MEF2B: variants seen among roughly 807,000 people sequenced by gnomAD.
MEF2B encodes myocyte-specific enhancer factor 2B.
Under a neutral mutation model 32.2 loss-of-function variants are expected in MEF2B, and 15 were observed. The observed-to-expected ratio is 0.47, with a 90% CI of 0.31 to 0.72. The LOEUF (loss-of-function observed/expected upper bound fraction) is 0.72, where lower values mean the gene tolerates loss of function less well. Ranked by LOEUF, MEF2B falls within the 30% of genes least tolerant of loss-of-function variation. The pLI, the probability that MEF2B is intolerant of heterozygous loss-of-function variation, is 0.05. For missense variants in MEF2B, 441 were observed against 511.5 expected, an observed-to-expected ratio of 0.86 and a Z score of 1.33; for synonymous variants, 205 against 225.6, an observed-to-expected ratio of 0.91 and a Z score of 0.82.
intron 2 of MEF2B, among the ~76,000 whole-genome samples, chr19:19,150,170 AGGAGGGAGGGAG>A (rs564219379): frequency 0.086 from 8,489 of 99,064 alleles, 300 homozygotes; most frequent in African/African-American, 0.12. Flanking sequence ...GAGGGAGGGA[AGGAGGGAGGGAG>A]GGAAGGAAGG....
At chr19:19,156,998 A>G in intron 1 of MEF2B, 1 of 161,912 alleles carries the variant, frequency 6.2e-6, no homozygotes, top group South Asian at 1.3e-4. Context: ...AAAAAAGTAA[A>G]AATTAGCTGC....
chr19:19,153,074 C>T (rs1307458167), intron 1 of MEF2B, among the ~76,000 whole-genome samples: 6 of 152,186 alleles, frequency 3.9e-5, no homozygotes, highest in African/African-American at 7.2e-5. Context: ...GGCCTTGGTC[C>T]GGAGGTCCCA....
At position 19,158,520 on chromosome 19, in the gene MEF2B, G is replaced by C. The variant is rs541466908; in HGVS notation, c.-29-7756C>G. Reference sequence around the variant, plus strand: ...CGCCTGTAATCCCAGTGCTTTGGGAGGCTGAGGTGGGAGGATCACTTGAGC... The same window carrying C: ...CGCCTGTAATCCCAGTGCTTTGGGACGCTGAGGTGGGAGGATCACTTGAGC... On this transcript the variant is annotated intron_variant, in intron 1 of 8. Coordinates refer to ENST00000424583, the MANE Select transcript of MEF2B (RefSeq NM_001145785.2). Among the ~76,000 whole-genome samples, 6 of 150,420 alleles carry C rather than the reference G, an allele frequency of 4.0e-5. No homozygotes were observed. In the East Asian group the frequency reaches 1.2e-3, roughly 30 times the overall value.
At chr19:19,147,569 A>G in intron 4 of MEF2B, 129 bp downstream of exon 4, 2 of 1,532,886 alleles carry the variant, frequency 1.3e-6, no homozygotes, top group Non-Finnish European at 1.8e-6. Flanking sequence ...TTCCTGACCA[A>G]CCAGGTAGAG....
Position 19,158,301 on chromosome 19 carries a change from T to A in MEF2B, c.-29-7537A>T, listed in dbSNP as rs973287845. ...TGGGTTTTCACCATGTTGGCCAGGC[T>A]GGTCTTAAACTCCTGGCCTCAGGTG... On this transcript the variant is annotated intron_variant, in intron 1 of 8. Transcript: ENST00000424583. 3.3e-5 allele frequency among the ~76,000 whole-genome samples: 5 copies of A among 150,450 alleles called. No individual in the cohort carries two copies. The East Asian group carries it at 1.0e-3, about 31-fold the overall frequency.
At chr19:19,166,061 C>G (rs954822569) in intron 1 of MEF2B, among the ~76,000 whole-genome samples, 1 of 152,104 alleles carries the variant, frequency 6.6e-6, no homozygotes, top group South Asian at 2.1e-4. Context: ...CCTGCCTGAC[C>G]CCCAGACACC....
At chr19:19,157,047 G>A (rs1415548929) in intron 1 of MEF2B, 3 of 222,484 alleles carry the variant, frequency 1.3e-5, no homozygotes, top group Non-Finnish European at 2.0e-5. Context: ...CTATGTGGGA[G>A]CCTGAGACGG....
Position 19,145,961 on chromosome 19 carries a change from G to T in MEF2B, c.943C>A (p.Pro315Thr), listed in dbSNP as rs1436525519. The T allele has an allele frequency of 3.5e-6, 5 of 1,443,582 alleles. No homozygotes were observed. Among genetic ancestry groups the T allele is most frequent in the Non-Finnish European group, 3.6e-6 (4 of 1,101,038 alleles). 89.4% of individuals were successfully genotyped at this position (1,443,582 alleles called of 1,614,324 possible). A position where few individuals can be genotyped will look rare whatever the true frequency, so the allele number is the denominator to read the frequency against. ...PTRGASPPTP[P>T]VSIKSERLSP... ...AGGCGCTCAGACTTGATGCTGACTG[G>T]GGGGGTCGGCGGGGAGGCGCCGCGG... The change falls in exon 9 of 9, where the codon CCA (proline) becomes ACA (threonine). Residue 315 changes from proline to threonine, a missense_variant. Transcript: ENST00000424583. This position sits in a 1 kb window ranked among gnomAD's most constrained non-coding sequence, Gnocchi z 4.6.
At chr19:19,149,553 G>C in intron 2 of MEF2B, 124 bp from the exon 3 acceptor site, 1 of 1,321,388 alleles carries the variant, frequency 7.6e-7, no homozygotes, top group South Asian at 1.4e-5. Flanking sequence ...TGGCTGAGCT[G>C]GTAATTCTCA....
intron 1 of MEF2B, among the ~76,000 whole-genome samples, chr19:19,162,927 C>T (rs1208554618): frequency 6.6e-6 from 1 of 152,160 alleles, no homozygotes. Context: ...TCTCCCCTCA[C>T]TTGAAAAGGT....
At chr19:19,165,131 G>T (rs2060196652) in intron 1 of MEF2B, among the ~76,000 whole-genome samples, 1 of 152,166 alleles carries the variant, frequency 6.6e-6, no homozygotes, top group South Asian at 2.1e-4. Context: ...AGGTGCTGGG[G>T]ATGCAGGAGC....
intron 8 of MEF2B, 54 bp from the exon 9 acceptor site, chr19:19,146,076 G>A: frequency 7.5e-7 from 1 of 1,338,438 alleles, no homozygotes; most frequent in Non-Finnish European, 9.8e-7. Flanking sequence ...AGGGAAGGAA[G>A]CCAGGGGATG....
chr19:19,155,759 C>T (rs2060115751), intron 1 of MEF2B, among the ~76,000 whole-genome samples: 1 of 152,190 alleles, frequency 6.6e-6, no homozygotes, highest in Admixed American at 6.5e-5. Flanking sequence ...CCCTGGTGGC[C>T]CATTCTCCAG....
intron 7 of MEF2B, 41 bp downstream of exon 7, chr19:19,146,514 G>A (rs1479268813): frequency 2.0e-6 from 3 of 1,491,116 alleles, no homozygotes; most frequent in East Asian, 4.9e-5. Flanking sequence ...GCAGGAGTGC[G>A]GACGCTTCCC....
In MEF2B at chr19:19,149,382, C is replaced by T. The variant is rs760971211; in HGVS notation, c.102G>A (p.Glu34=). 1.2e-6 allele frequency: 2 copies of T among 1,614,026 alleles called. No individual in the cohort carries two copies. Among genetic ancestry groups the T allele is most frequent in the Non-Finnish European group, 1.7e-6 (2 of 1,180,032 alleles). Residue 34 remains glutamate (E), a synonymous_variant, in exon 3 of 9, where the codon GAG becomes GAA. Transcript: ENST00000424583. Reference sequence around the variant, plus strand: ...TCTCACAGTCACAGAGCACGCTCAGCTCATAGGCCTTCTTCATCAGCCCGA... The same window carrying T: ...TCTCACAGTCACAGAGCACGCTCAGTTCATAGGCCTTCTTCATCAGCCCGA... ...RKFGLMKKAY[E]LSVLCDCEIA... is the part of the protein sequence containing the mutation.
chr19:19,156,152 G>A (rs2060118945), intron 1 of MEF2B, among the ~76,000 whole-genome samples: 1 of 152,286 alleles, frequency 6.6e-6, no homozygotes, highest in East Asian at 1.9e-4. Context: ...CGTTTATTAA[G>A]TATCAACCTG....
At chr19:19,154,140 C>T (rs2060104499) in intron 1 of MEF2B, among the ~76,000 whole-genome samples, 1 of 151,710 alleles carries the variant, frequency 6.6e-6, no homozygotes, top group Admixed American at 6.6e-5. Context: ...ATTTTATTTC[C>T]TATTGTATTT....
chr19:19,158,922 G>A (rs2060139320), intron 1 of MEF2B, among the ~76,000 whole-genome samples: 1 of 151,650 alleles, frequency 6.6e-6, no homozygotes, highest in Non-Finnish European at 1.5e-5. Context: ...GGGCAACATT[G>A]TGAGACTGAC....
chr19:19,145,678 A>G lies in MEF2B; in HGVS notation c.*119T>C. On this transcript the variant is annotated 3_prime_UTR_variant, in exon 9 of 9. Transcript: ENST00000424583. The surrounding 1 kb of genome is among the most constrained non-coding windows in gnomAD (Gnocchi z 4.6). Reference sequence around the variant, plus strand: ...TCCAGCCGCCCACCTCCAAGCCCCCACCGCGGAGGGGGGCGTCACTGTTGG... The same window carrying G: ...TCCAGCCGCCCACCTCCAAGCCCCCGCCGCGGAGGGGGGCGTCACTGTTGG... 2 of 1,543,966 alleles carry G rather than the reference A, an allele frequency of 1.3e-6. No individual in the cohort carries two copies.
Sources: allele counts gnomAD v4.1 joint callset (sites outside exome capture counted in the v4.1 genomes callset), GRCh38; gene constraint gnomAD v4.1.1; non-coding constraint Gnocchi (gnomAD v3.1); transcripts MANE v1.5; gene names NCBI Gene and HGNC (gene_info 2026-07-23, HGNC 2026-07-21).